AGTR1: variants seen among roughly 807,000 people sequenced by gnomAD.
AGTR1 encodes the protein angiotensin II receptor type 1.
A neutral mutation model predicts 19.4 loss-of-function variants in AGTR1; 16 were observed. The observed-to-expected ratio is 0.82, with a 90% CI of 0.56 to 1.25. AGTR1 has a LOEUF of 1.25. Ranked by LOEUF, AGTR1 falls within the 50% of genes most tolerant of loss-of-function variation. The pLI is 0.00. For synonymous variants in AGTR1, 153 were observed against 154.9 expected, an observed-to-expected ratio of 0.99 and a Z score of 0.09; for missense variants, 373 against 431.9, an observed-to-expected ratio of 0.86 and a Z score of 1.21.
intron 2 of AGTR1, among the ~76,000 whole-genome samples, chr3:148,710,465 G>T (rs1712917909): frequency 6.6e-6 from 1 of 152,036 alleles, no homozygotes; most frequent in Admixed American, 6.6e-5. Flanking sequence ...ACAGCTCCAA[G>T]TAAGCAAAAG....
At chr3:148,740,861 A>ATGATCCAGTAT in intron 2 of AGTR1, 128 bp from the exon 3 acceptor site, 1 of 764,258 alleles carries the variant, frequency 1.3e-6, no homozygotes, top group African/African-American at 1.8e-5. Flanking sequence ...CTTAAGAAAT[A>ATGATCCAGTAT]TGATCCAGTA....
chr3:148,702,035 T>C (rs1712378808), intron 1 of AGTR1, among the ~76,000 whole-genome samples: 1 of 149,598 alleles, frequency 6.7e-6, no homozygotes, highest in African/African-American at 2.5e-5. Context: ...TGGCGTGCAG[T>C]GGCATGATCT....
intron 2 of AGTR1, 143 bp downstream of exon 2, chr3:148,708,170 C>T (rs1403028484): frequency 6.6e-6 from 1 of 152,156 alleles, no homozygotes; most frequent in Non-Finnish European, 1.5e-5. Flanking sequence ...CCCAGTGTTA[C>T]CACATCCCCT....
intron 1 of AGTR1, among the ~76,000 whole-genome samples, chr3:148,702,575 G>T (rs544823195): frequency 1.4e-3 from 213 of 152,248 alleles, no homozygotes; most frequent in Non-Finnish European, 2.4e-3. Context: ...CTAGTAGGGT[G>T]GGAAGCCATT....
At position 148,738,356 on chromosome 3, in the gene AGTR1, A is replaced by G. The variant is rs1011111928; in HGVS notation, c.-47-2633A>G. On this transcript the variant is annotated intron_variant, in intron 2 of 2. Transcript: ENST00000349243. ...ACCTTCGAGGTTCCTTAACCTTTAC[A>G]TTATTAATTCTTTTTCTAAGCAAAA... is the stretch of plus-strand genomic sequence containing the variant. 2.6e-5 allele frequency among the ~76,000 whole-genome samples: 4 copies of G among 151,952 alleles called. No individual in the cohort carries two copies. In the East Asian group the frequency reaches 5.8e-4, roughly 22 times the overall value.
At chr3:148,732,080 G>A (rs1714288602) in intron 2 of AGTR1, among the ~76,000 whole-genome samples, 1 of 152,130 alleles carries the variant, frequency 6.6e-6, no homozygotes, top group Non-Finnish European at 1.5e-5. Flanking sequence ...TTCTTACAAA[G>A]AATCTGAGAA....
rs200844345 is a variant in AGTR1 at position 148,741,597 on chromosome 3, A to G, written c.562A>G (p.Asn188Asp). ...TTGTGCTTTCCATTATGAGTCCCAA[A>G]ATTCAACCCTCCCGATAGGGCTGGG... ...TVCAFHYESQ[N>D]STLPIGLGLT... The change falls in exon 3 of 3, where the codon AAT (asparagine) becomes GAT (aspartate). Residue 188 changes from asparagine (N) to aspartate (D), a missense_variant. Transcript: ENST00000349243. 33 of 1,614,104 alleles carry G rather than the reference A, an allele frequency of 2.0e-5. No individual in the cohort carries two copies. The highest frequency in any genetic ancestry group is 2.7e-5 in the Non-Finnish European group (32 of 1,179,974).
At chr3:148,737,044 T>C (rs1354586174) in intron 2 of AGTR1, among the ~76,000 whole-genome samples, 1 of 152,160 alleles carries the variant, frequency 6.6e-6, no homozygotes, top group Non-Finnish European at 1.5e-5. Flanking sequence ...CCCTACTGTT[T>C]CCCACTCATT....
chr3:148,729,276 C>T (rs1269304008), intron 2 of AGTR1, among the ~76,000 whole-genome samples: 1 of 152,164 alleles, frequency 6.6e-6, no homozygotes, highest in Non-Finnish European at 1.5e-5. Flanking sequence ...TAAAAAAATT[C>T]TCCTGTCCTT....
intron 2 of AGTR1, chr3:148,731,503 G>C (rs1405842752): frequency 6.6e-6 from 1 of 152,118 alleles, no homozygotes; most frequent in Non-Finnish European, 1.5e-5. Context: ...GTAATATTTT[G>C]AAAGTCTGAG....
At chr3:148,739,873 G>A in intron 2 of AGTR1, 1 of 1,231,868 alleles carries the variant, frequency 8.1e-7, no homozygotes, top group Non-Finnish European at 1.0e-6. Flanking sequence ...TAGGATCTGT[G>A]TGCCCAGCAC....
intron 2 of AGTR1, among the ~76,000 whole-genome samples, chr3:148,736,099 A>T (rs1169060830): frequency 1.3e-5 from 2 of 152,230 alleles, no homozygotes; most frequent in Non-Finnish European, 2.9e-5. Context: ...GGCTTGCCTA[A>T]AAGCTTAAGA....
chr3:148,727,795 A>G (rs1251498434), intron 2 of AGTR1, among the ~76,000 whole-genome samples: 1 of 152,242 alleles, frequency 6.6e-6, no homozygotes, highest in African/African-American at 2.4e-5. Context: ...AAAGCCTCCA[A>G]TAAAATTCAG....
chr3:148,714,975 C>T (rs1212370566), intron 2 of AGTR1, among the ~76,000 whole-genome samples: 1 of 152,082 alleles, frequency 6.6e-6, no homozygotes, highest in African/African-American at 2.4e-5. Flanking sequence ...TCAAACAAGT[C>T]CTAGGGATAC....
chr3:148,703,599 T>G (rs540568480), intron 1 of AGTR1, among the ~76,000 whole-genome samples: 3 of 152,314 alleles, frequency 2.0e-5, no homozygotes, highest in Middle Eastern at 3.4e-3. Flanking sequence ...TTATCCTTAT[T>G]TTATAGATTG....
intron 2 of AGTR1, among the ~76,000 whole-genome samples, chr3:148,737,894 A>G (rs1714658055): frequency 1.3e-5 from 2 of 152,190 alleles, no homozygotes; most frequent in African/African-American, 4.8e-5. Flanking sequence ...ATGATCCCCT[A>G]GCTGTTCAAA....
intron 2 of AGTR1, among the ~76,000 whole-genome samples, chr3:148,724,322 TAAC>T (rs1422284174): frequency 6.6e-6 from 1 of 152,086 alleles, no homozygotes; most frequent in African/African-American, 2.4e-5. Context: ...CTAGGGACCA[TAAC>T]AACAATAGAA....
At chr3:148,722,559 G>A (rs1043711497) in intron 2 of AGTR1, among the ~76,000 whole-genome samples, 1 of 152,126 alleles carries the variant, frequency 6.6e-6, no homozygotes, top group Non-Finnish European at 1.5e-5. Context: ...GCGGGAGGGT[G>A]CCACTCTGTA....
rs113182721 is a variant in AGTR1, at chr3:148,699,101, G to A, written c.-132+974G>A. ...AAAAACCTACTCCCCCCCTTCAGGA[G>A]CCCTCTTTTAATGAAAGTTTGGGTA... On this transcript the variant is annotated intron_variant, in intron 1 of 2. Coordinates refer to ENST00000349243, the MANE Select transcript of AGTR1 (RefSeq NM_000685.5). Among the ~76,000 whole-genome samples, 340 of 152,146 alleles carry A rather than the reference G, an allele frequency of 2.2e-3. 4 individuals carry two copies. Among genetic ancestry groups the A allele is most frequent in the African/African-American group, 7.7e-3 (321 of 41,512 alleles).
Sources: allele counts gnomAD v4.1 joint callset (sites outside exome capture counted in the v4.1 genomes callset), GRCh38; gene constraint gnomAD v4.1.1; transcripts MANE v1.5; gene names NCBI Gene and HGNC (gene_info 2026-07-23, HGNC 2026-07-21).